Variants in SNTG1 observed in about 807,000 individuals in gnomAD.
SNTG1 encodes syntrophin gamma 1, also known as gamma-1-syntrophin.
SNTG1 carries 39 observed loss-of-function variants against 74.7 expected under a neutral mutation model. That is an observed-to-expected ratio of 0.52 (90% CI 0.40 to 0.68). The LOEUF (loss-of-function observed/expected upper bound fraction) is 0.68. SNTG1 is among the 30% of genes least tolerant of loss of function. The pLI, the probability that SNTG1 is intolerant of heterozygous loss-of-function variation, is 0.00. For missense variants in SNTG1, 685 were observed against 609.5 expected (o/e 1.12, Z -1.30); for synonymous variants, 254 against 217.1 (o/e 1.17, Z -1.49).
intron 1 of SNTG1, among the ~76,000 whole-genome samples, chr8:50,017,677 C>T (rs912735234): frequency 9.2e-5 from 14 of 151,516 alleles, no homozygotes; most frequent in Admixed American, 5.3e-4. Flanking sequence ...AAAAAGCATA[C>T]GTTATAATGA....
intron 2 of SNTG1, among the ~76,000 whole-genome samples, chr8:50,315,804 C>T (rs1423696066): frequency 1.3e-5 from 2 of 152,080 alleles, no homozygotes; most frequent in Non-Finnish European, 2.9e-5. Flanking sequence ...TTATTCCCAC[C>T]ATGAACACCT....
At chr8:50,717,514 T>C (rs1193041314) in intron 17 of SNTG1, among the ~76,000 whole-genome samples, 1 of 152,198 alleles carries the variant, frequency 6.6e-6, no homozygotes, top group Non-Finnish European at 1.5e-5. Flanking sequence ...AGGTAGAGAT[T>C]CTGAAACATC....
intron 2 of SNTG1, among the ~76,000 whole-genome samples, chr8:50,175,588 G>T (rs540791919): frequency 6.6e-6 from 1 of 152,170 alleles, no homozygotes; most frequent in South Asian, 2.1e-4. Context: ...AGTGTCAGGG[G>T]CTGCTCTGCA....
chr8:50,014,312 A>T (rs913145269), intron 1 of SNTG1, among the ~76,000 whole-genome samples: 1 of 152,194 alleles, frequency 6.6e-6, no homozygotes, highest in African/African-American at 2.4e-5. Flanking sequence ...CAACTCAGGC[A>T]GGACAAATAC....
chr8:50,164,702 G>A (rs2082552066), intron 1 of SNTG1, among the ~76,000 whole-genome samples: 1 of 152,134 alleles, frequency 6.6e-6, no homozygotes. Flanking sequence ...ACTCAAATAT[G>A]TAGTGAATGT....
intron 15 of SNTG1, among the ~76,000 whole-genome samples, chr8:50,660,432 AG>A (rs1444763285): frequency 8.6e-6 from 1 of 116,888 alleles, no homozygotes; most frequent in African/African-American, 2.8e-5. Context: ...GAAAGAAGAA[AG>A]AAAGAAAGAG....
intron 18 of SNTG1, among the ~76,000 whole-genome samples, chr8:50,784,112 CAG>C (rs1288126639): frequency 6.6e-6 from 1 of 152,128 alleles, no homozygotes; most frequent in Non-Finnish European, 1.5e-5. Context: ...GTAGGAGATC[CAG>C]TTCGCCAGTA....
At chr8:50,142,453 C>T (rs1467492869) in intron 1 of SNTG1, among the ~76,000 whole-genome samples, 4 of 146,876 alleles carry the variant, frequency 2.7e-5, no homozygotes, top group Non-Finnish European at 5.9e-5. Flanking sequence ...TACTTTTTAA[C>T]ACAAACCTGC....
At chr8:50,214,336 C>A (rs1007932170) in intron 2 of SNTG1, among the ~76,000 whole-genome samples, 1 of 150,662 alleles carries the variant, frequency 6.6e-6, no homozygotes, top group Non-Finnish European at 1.5e-5. Flanking sequence ...TGCAGCACAC[C>A]AGCATGGCAC....
intron 1 of SNTG1, among the ~76,000 whole-genome samples, chr8:50,166,923 C>A (rs1362818490): frequency 6.7e-6 from 1 of 149,994 alleles, no homozygotes; most frequent in Non-Finnish European, 1.5e-5. Flanking sequence ...AAATATACAC[C>A]ATGGAATACT....
At chr8:50,524,000 G>T (rs1036552461) in intron 9 of SNTG1, among the ~76,000 whole-genome samples, 1 of 152,070 alleles carries the variant, frequency 6.6e-6, no homozygotes, top group Admixed American at 6.6e-5. Flanking sequence ...AACACTTACT[G>T]CTGTCATTTT....
intron 18 of SNTG1, among the ~76,000 whole-genome samples, chr8:50,785,640 A>G (rs889190375): frequency 6.6e-5 from 10 of 152,090 alleles, no homozygotes; most frequent in African/African-American, 1.9e-4. Flanking sequence ...CAAAATATAG[A>G]AAAAGGGGAA....
intron 15 of SNTG1, among the ~76,000 whole-genome samples, chr8:50,662,697 A>G (rs1014920461): frequency 6.6e-6 from 1 of 152,172 alleles, no homozygotes; most frequent in Non-Finnish European, 1.5e-5. Flanking sequence ...GGTACTGATG[A>G]GAGAGCAAAG....
At chr8:50,434,507 A>G (rs1228909804) in intron 4 of SNTG1, among the ~76,000 whole-genome samples, 1 of 152,112 alleles carries the variant, frequency 6.6e-6, no homozygotes, top group Non-Finnish European at 1.5e-5. Flanking sequence ...TCCCACCAAC[A>G]GTGTAAAAGT....
intron 1 of SNTG1, among the ~76,000 whole-genome samples, chr8:50,080,325 C>T (rs1462379469): frequency 6.6e-6 from 1 of 152,148 alleles, no homozygotes; most frequent in Non-Finnish European, 1.5e-5. Context: ...ATATGCTATC[C>T]TTTTAATTTC....
At chr8:50,433,363 A>C (rs904639946) in intron 4 of SNTG1, among the ~76,000 whole-genome samples, 1 of 152,184 alleles carries the variant, frequency 6.6e-6, no homozygotes, top group African/African-American at 2.4e-5. Flanking sequence ...CGCTAGCTAG[A>C]ACATCAAGAT....
chr8:50,562,661 A>G (rs1435362140), intron 12 of SNTG1, among the ~76,000 whole-genome samples: 1 of 152,200 alleles, frequency 6.6e-6, no homozygotes, highest in Non-Finnish European at 1.5e-5. Context: ...ACAACAATAG[A>G]AACTAATACA....
At position 49,977,069 on chromosome 8, in the gene SNTG1, G is replaced by A. The variant is rs183729080; in HGVS notation, c.-103+64838G>A. On this transcript the variant is annotated intron_variant, in intron 1 of 18. Coordinates refer to ENST00000642720, the MANE Select transcript of SNTG1 (RefSeq NM_018967.5). ...TGAGGTGTGGGAAGGCACAGTCATT[G>A]CAACTCAATTCAAAGAGAAGAGCAA... Among the ~76,000 whole-genome samples the A allele has an allele frequency of 2.3e-3, 351 of 152,224 alleles. 1 individual carries two copies. The highest frequency in any genetic ancestry group is 7.4e-3 in the African/African-American group (307 of 41,536).
chr8:50,386,543 A>C (rs12675994), intron 2 of SNTG1, among the ~76,000 whole-genome samples: 104,410 of 151,672 alleles, frequency 0.69, 36,159 homozygotes, highest in East Asian at 0.84. Context: ...GCTATAAAGG[A>C]ATACCTCAAG....
Sources: gnomAD v4.1 joint callset for allele counts (sites outside exome capture counted in the v4.1 genomes callset) on GRCh38, gnomAD v4.1.1 for gene constraint, MANE v1.5 for transcripts, NCBI Gene and HGNC (gene_info 2026-07-23, HGNC 2026-07-21) for gene names.